Variants in EYS observed in about 807,000 individuals in gnomAD.
EYS encodes EGF-like photoreceptor maintenance factor.
EYS carries 250 observed loss-of-function variants against 282.1 expected under a neutral mutation model. That is an observed-to-expected ratio of 0.89 (90% CI 0.80 to 0.98). The LOEUF (loss-of-function observed/expected upper bound fraction) is 0.98. EYS is among the 50% of genes least tolerant of loss of function. The pLI is 0.00. For missense variants in EYS, 4,016 were observed against 3,709.0 expected (o/e 1.08, Z -2.15); for synonymous variants, 1,355 against 1,282.9 (o/e 1.06, Z -1.20).
intron 12 of EYS, among the ~76,000 whole-genome samples, chr6:65,197,128 G>C (rs1765787389): frequency 6.6e-6 from 1 of 152,062 alleles, no homozygotes; most frequent in African/African-American, 2.4e-5. Context: ...GTACATGAGA[G>C]GCAGAATACA....
At chr6:64,512,453 C>A (rs928600856) in intron 26 of EYS, among the ~76,000 whole-genome samples, 1 of 151,838 alleles carries the variant, frequency 6.6e-6, no homozygotes, top group African/African-American at 2.4e-5. Flanking sequence ...AGACGGTAAT[C>A]ATCAGAGAAA....
chr6:64,797,652 G>T (rs967085660), intron 22 of EYS, among the ~76,000 whole-genome samples: 1 of 151,788 alleles, frequency 6.6e-6, no homozygotes, highest in African/African-American at 2.4e-5. Context: ...TAAAAATTTG[G>T]TTTTTTAAAT....
chr6:65,332,251 A>G (rs746336263), intron 11 of EYS: 2 of 638,768 alleles, frequency 3.1e-6, no homozygotes, highest in African/African-American at 3.6e-5. Flanking sequence ...CTACATTATC[A>G]TGCATTTTCT....
At chr6:63,930,489 A>G (rs1430838760) in intron 35 of EYS, among the ~76,000 whole-genome samples, 1 of 152,194 alleles carries the variant, frequency 6.6e-6, no homozygotes, top group African/African-American at 2.4e-5. Context: ...TGGCTTCACA[A>G]TCTCTCTTCA....
At chr6:64,212,759 G>C (rs1343125448) in intron 31 of EYS, among the ~76,000 whole-genome samples, 1 of 151,892 alleles carries the variant, frequency 6.6e-6, no homozygotes, top group Non-Finnish European at 1.5e-5. Flanking sequence ...CCATTACTGG[G>C]TATATACCCA....
At chr6:65,633,175 T>C (rs1267038264) in intron 2 of EYS, among the ~76,000 whole-genome samples, 2 of 152,204 alleles carry the variant, frequency 1.3e-5, no homozygotes, top group African/African-American at 2.4e-5. Flanking sequence ...TTTTTGACTT[T>C]TGTATATCTA....
At chr6:65,411,890 T>G (rs2150370402) in intron 5 of EYS, among the ~76,000 whole-genome samples, 1 of 152,044 alleles carries the variant, frequency 6.6e-6, no homozygotes, top group South Asian at 2.1e-4. Context: ...AACCATTCAC[T>G]TATTGAAGGA....
At chr6:64,337,252 T>G (rs1770887740) in intron 29 of EYS, among the ~76,000 whole-genome samples, 1 of 151,768 alleles carries the variant, frequency 6.6e-6, no homozygotes, top group Non-Finnish European at 1.5e-5. Context: ...CCAAGAAAAG[T>G]AGAGAGAAAC....
chr6:64,739,753 C>T (rs1298651045), intron 22 of EYS, among the ~76,000 whole-genome samples: 5 of 152,084 alleles, frequency 3.3e-5, no homozygotes, highest in African/African-American at 1.2e-4. Flanking sequence ...ACAATACCGA[C>T]ATTCCTTCAA....
In EYS at chr6:65,464,299, G is replaced by T. The variant is rs533509086; in HGVS notation, c.862+26295C>A. On this transcript the variant is annotated intron_variant, in intron 5 of 42. Coordinates refer to ENST00000503581, the MANE Select transcript of EYS (RefSeq NM_001142800.2). ...AAGATTAGATATACAACTACAGGGG[G>T]TAGATATTTCTAATATTTATCTTGG... Among the ~76,000 whole-genome samples, 22 of 152,210 alleles carry T rather than the reference G, an allele frequency of 1.4e-4. No individual in the cohort carries two copies. In the South Asian group the frequency reaches 3.3e-3, roughly 23 times the overall value.
chr6:65,537,781 A>C (rs1768016803), intron 2 of EYS, among the ~76,000 whole-genome samples: 1 of 152,214 alleles, frequency 6.6e-6, no homozygotes, highest in Non-Finnish European at 1.5e-5. Context: ...ATGAGCCATT[A>C]GCATGGGACA....
chr6:64,157,564 TC>T (rs1218523760), intron 31 of EYS, among the ~76,000 whole-genome samples: 1 of 152,126 alleles, frequency 6.6e-6, no homozygotes, highest in Non-Finnish European at 1.5e-5. Flanking sequence ...GTGGGCCAGG[TC>T]CAGAGTCCCC....
At chr6:65,703,522 T>G (rs977943626) in intron 1 of EYS, among the ~76,000 whole-genome samples, 2 of 151,898 alleles carry the variant, frequency 1.3e-5, no homozygotes, top group Non-Finnish European at 2.9e-5. Flanking sequence ...TGAGAATATA[T>G]TCCTATCAAA....
At chr6:65,417,169 T>A (rs1228964827) in intron 5 of EYS, among the ~76,000 whole-genome samples, 2 of 151,950 alleles carry the variant, frequency 1.3e-5, no homozygotes, top group Non-Finnish European at 2.9e-5. Flanking sequence ...ATTGTAAAGT[T>A]GTAGTAAAAT....
intron 26 of EYS, among the ~76,000 whole-genome samples, chr6:64,585,671 G>T (rs1348103237): frequency 1.3e-5 from 2 of 151,936 alleles, no homozygotes; most frequent in East Asian, 3.9e-4. Context: ...TGTATATCTA[G>T]ACTTTCTATT....
chr6:64,660,127 G>A (rs1289823558), intron 22 of EYS, among the ~76,000 whole-genome samples: 3 of 152,088 alleles, frequency 2.0e-5, no homozygotes, highest in Admixed American at 6.6e-5. Context: ...CAGAACCAAC[G>A]ACAAAAACCA....
chr6:64,937,229 T>C (rs1285399616), intron 15 of EYS, among the ~76,000 whole-genome samples: 1 of 151,478 alleles, frequency 6.6e-6, no homozygotes, highest in African/African-American at 2.4e-5. Context: ...ATTATTGTAA[T>C]CTTCAGTTAG....
intron 13 of EYS, among the ~76,000 whole-genome samples, chr6:65,029,453 C>A (rs926485744): frequency 5.3e-5 from 8 of 151,966 alleles, no homozygotes; most frequent in Non-Finnish European, 1.2e-4. Flanking sequence ...TACTGATAAA[C>A]CATTGACCCT....
intron 10 of EYS, among the ~76,000 whole-genome samples, chr6:65,336,160 C>T (rs373432660): frequency 2.0e-5 from 3 of 151,622 alleles, no homozygotes; most frequent in East Asian, 3.9e-4. Flanking sequence ...TATAAATCAC[C>T]GAGTCTCAGG....
Sources: gnomAD v4.1 joint callset for allele counts (sites outside exome capture counted in the v4.1 genomes callset) on GRCh38, gnomAD v4.1.1 for gene constraint, MANE v1.5 for transcripts, NCBI Gene and HGNC (gene_info 2026-07-23, HGNC 2026-07-21) for gene names.